Variants in ESRRB observed in about 807,000 individuals in gnomAD.
ESRRB encodes steroid hormone receptor ERR2.
ESRRB carries 16 observed loss-of-function variants against 46.0 expected under a neutral mutation model. The observed-to-expected ratio is 0.35, with a 90% CI of 0.24 to 0.53. The LOEUF (loss-of-function observed/expected upper bound fraction) is 0.53, where lower values mean the gene tolerates loss of function less well. Ranked by LOEUF, ESRRB falls within the 20% of genes least tolerant of loss-of-function variation. ESRRB has a pLI of 0.93. For synonymous variants in ESRRB, 246 were observed against 259.6 expected (o/e 0.95, Z 0.50); for missense variants, 488 against 607.4 (o/e 0.80, Z 2.07).
intron 1 of ESRRB, among the ~76,000 whole-genome samples, chr14:76,322,960 C>T (rs921388025): frequency 6.6e-6 from 1 of 152,208 alleles, no homozygotes; most frequent in African/African-American, 2.4e-5. Context: ...CTGCCCGTGA[C>T]CTTCCGTGGA....
chr14:76,426,088 C>T (rs1887188688), intron 1 of ESRRB, among the ~76,000 whole-genome samples: 1 of 152,224 alleles, frequency 6.6e-6, no homozygotes, highest in Non-Finnish European at 1.5e-5. Context: ...ACGGCAGAAG[C>T]AGGTCTTGCC....
At chr14:76,487,437 C>T (rs1320262089) in intron 5 of ESRRB, among the ~76,000 whole-genome samples, 2 of 152,070 alleles carry the variant, frequency 1.3e-5, no homozygotes, top group African/African-American at 4.8e-5. Flanking sequence ...AGAGTTCTAA[C>T]TTATTTGGCA....
At chr14:76,481,979 A>G (rs1445591430) in intron 3 of ESRRB, 37 bp from the exon 4 acceptor site, 1 of 1,590,032 alleles carries the variant, frequency 6.3e-7, no homozygotes, top group East Asian at 2.2e-5. Context: ...GTGATGTTGA[A>G]CAACTGCTGA....
At chr14:76,439,224 T>G in intron 1 of ESRRB, 117 bp from the exon 2 acceptor site, 1 of 1,201,074 alleles carries the variant, frequency 8.3e-7, no homozygotes, top group Admixed American at 1.7e-5. Flanking sequence ...CACCGTTGTT[T>G]TATCGCACCA....
intron 1 of ESRRB, among the ~76,000 whole-genome samples, chr14:76,316,729 T>C (rs899842978): frequency 3.3e-5 from 5 of 151,700 alleles, no homozygotes; most frequent in Non-Finnish European, 7.4e-5. Context: ...TCTCTCCTGC[T>C]TTCATGTTCC....
chr14:76,334,272 G>A lies in ESRRB; in HGVS notation c.2+23356G>A, dbSNP rs374810889. On this transcript the variant is annotated intron_variant, in intron 1 of 6. Transcript: ENST00000512784. ...ATCATCATGTCCAGCCTCCAAGATC[G>A]CAGTTTCCTTTTCAGCAACATGCGC... Among the ~76,000 whole-genome samples, 71 of 152,238 alleles carry A rather than the reference G, an allele frequency of 4.7e-4. 1 individual carries two copies. In the South Asian group the frequency reaches 0.014, roughly 29 times the overall value.
intron 1 of ESRRB, among the ~76,000 whole-genome samples, chr14:76,424,759 TAG>T (rs1207353787): frequency 3.3e-5 from 5 of 150,722 alleles, no homozygotes; most frequent in Non-Finnish European, 5.9e-5. Context: ...TTGTTTGAGA[TAG>T]AGTGTCACTC....
In ESRRB at chr14:76,462,487, G is replaced by A; in HGVS notation, c.461-58G>A. ...ATCCCCATCCAGCCAGCCCTGCGCTGGCAGGTGGGGGCCCTGGGCGGCCAG... is the reference window on the plus strand; with the variant it reads ...ATCCCCATCCAGCCAGCCCTGCGCTAGCAGGTGGGGGCCCTGGGCGGCCAG... On this transcript the variant is annotated intron_variant, in intron 2 of 6. Coordinates refer to ENST00000644823, the MANE Select transcript of ESRRB (RefSeq NM_001379180.1). 4 of 1,334,970 alleles carry A rather than the reference G, an allele frequency of 3.0e-6. 1 individual carries two copies. In the Middle Eastern group the frequency reaches 6.3e-4, roughly 212 times the overall value. 82.7% of individuals were successfully genotyped at this position (1,334,970 alleles called of 1,614,324 possible).
rs35021819 is a variant in ESRRB at position 76,385,213 on chromosome 14, G to GAA, written c.50+8776_50+8777dup. On this transcript the variant is annotated intron_variant, in intron 1 of 6. Transcript: ENST00000644823. ...CTTACTCATAGTTTCTTTTCCTCAG[G>GAA]AAAAAAAAAAAAAAACAACCAAACC... 7.0e-3 allele frequency among the ~76,000 whole-genome samples: 910 copies of GAA among 129,144 alleles called. 22 individuals carry two copies. Among genetic ancestry groups the GAA allele is most frequent in the Admixed American group, 4.2e-3 (56 of 13,490 alleles). The allele number at this position is 129,144 out of a possible 152,430, so 84.7% of individuals were successfully genotyped here.
At chr14:76,380,399 C>G (rs1884961960) in intron 1 of ESRRB, among the ~76,000 whole-genome samples, 2 of 152,186 alleles carry the variant, frequency 1.3e-5, no homozygotes, top group Non-Finnish European at 2.9e-5. Context: ...CCTGACTCTG[C>G]AGCGCCCTTC....
At chr14:76,346,410 C>T (rs1884250439) in intron 1 of ESRRB, among the ~76,000 whole-genome samples, 1 of 152,210 alleles carries the variant, frequency 6.6e-6, no homozygotes, top group Non-Finnish European at 1.5e-5. Context: ...TGACTTCCAC[C>T]CGGGGCACCC....
At chr14:76,469,943 TC>T (rs1566603865) in intron 3 of ESRRB, among the ~76,000 whole-genome samples, 2,004 of 117,844 alleles carry the variant, frequency 0.017, 82 homozygotes, top group Non-Finnish European at 0.025. Flanking sequence ...TTTTTTTTTT[TC>T]TTTTTTTTTT....
chr14:76,421,662 C>A (rs1886959746), intron 1 of ESRRB, among the ~76,000 whole-genome samples: 1 of 152,202 alleles, frequency 6.6e-6, no homozygotes, highest in East Asian at 1.9e-4. Flanking sequence ...GGCCACTCCA[C>A]AAAGCAGCAG....
At chr14:76,358,552 T>C (rs939444325) in intron 1 of ESRRB, among the ~76,000 whole-genome samples, 1 of 151,918 alleles carries the variant, frequency 6.6e-6, no homozygotes, top group African/African-American at 2.4e-5. Flanking sequence ...GAAAATTCAG[T>C]TAACTGTATG....
chr14:76,438,758 C>T (rs1437116403), intron 1 of ESRRB, among the ~76,000 whole-genome samples: 1 of 152,072 alleles, frequency 6.6e-6, no homozygotes, highest in African/African-American at 2.4e-5. Context: ...TTGTGTCACC[C>T]TCAAACTAGA....
chr14:76,463,449 T>TTTTTGTTTTTTTTTTTTG (rs375723226), intron 3 of ESRRB: 3 of 135,272 alleles, frequency 2.2e-5, no homozygotes, highest in South Asian at 2.3e-4. Flanking sequence ...TTCTTTGTTT[T>TTTTTGTTTTTTTTTTTTG]TTTTTTTTTT....
At chr14:76,353,500 C>G (rs1240265789) in intron 1 of ESRRB, among the ~76,000 whole-genome samples, 1 of 152,214 alleles carries the variant, frequency 6.6e-6, no homozygotes, top group African/African-American at 2.4e-5. Context: ...ATCACTTCAT[C>G]ATCATCATCA....
At chr14:76,354,358 C>T (rs1390944750) in intron 1 of ESRRB, among the ~76,000 whole-genome samples, 2 of 152,010 alleles carry the variant, frequency 1.3e-5, no homozygotes, top group Admixed American at 6.6e-5. Flanking sequence ...GCTCTCTCCA[C>T]TGCCTAGTAC....
rs35955826 is a variant in ESRRB at position 76,408,591 on chromosome 14, C to CAA, written c.51-30724_51-30723dup. ...TGGGTGACAGAGTGAGACCCTGTCT[C>CAA]AAAAAAAAAAAAAAAAAAAAAAAAA... On this transcript the variant is annotated intron_variant, in intron 1 of 6. Transcript: ENST00000644823. 4.3e-3 allele frequency among the ~76,000 whole-genome samples: 180 copies of CAA among 42,136 alleles called. 17 individuals are homozygous for CAA. Among genetic ancestry groups the CAA allele is most frequent in the African/African-American group, 0.017 (158 of 9,430 alleles). 27.6% of individuals were successfully genotyped at this position (42,136 alleles called of 152,430 possible). A position where few individuals can be genotyped will look rare whatever the true frequency, so the allele number is the denominator to read the frequency against.
Sources: allele counts gnomAD v4.1 joint callset (sites outside exome capture counted in the v4.1 genomes callset), GRCh38; gene constraint gnomAD v4.1.1; transcripts MANE v1.5; gene names NCBI Gene and HGNC (gene_info 2026-07-23, HGNC 2026-07-21).